Variants in CSMD1 observed in about 807,000 individuals in gnomAD.
CSMD1 encodes the protein CUB and Sushi multiple domains 1.
Under a neutral mutation model 417.5 loss-of-function variants are expected in CSMD1, and 213 were observed. The observed-to-expected ratio is 0.51, with a 90% CI of 0.46 to 0.57. The LOEUF (loss-of-function observed/expected upper bound fraction) is 0.57. CSMD1 is among the 20% of genes least tolerant of loss of function. CSMD1 has a pLI of 0.00. For missense variants in CSMD1, 6,923 were observed against 4,529.7 expected (o/e 1.53, Z -15.17); for synonymous variants, 2,862 against 1,736.8 (o/e 1.65, Z -16.11).
At chr8:3,740,513 C>A (rs142467201) in intron 6 of CSMD1, among the ~76,000 whole-genome samples, 1 of 152,066 alleles carries the variant, frequency 6.6e-6, no homozygotes, top group East Asian at 1.9e-4. Context: ...GAGGGTTCAC[C>A]GATGGATGTG....
intron 41 of CSMD1, among the ~76,000 whole-genome samples, chr8:3,134,478 A>G (rs996734173): frequency 2.6e-5 from 4 of 152,206 alleles, no homozygotes; most frequent in Non-Finnish European, 4.4e-5. Context: ...ACTTGAGAGG[A>G]GCAGGCAGAT....
At chr8:3,856,891 G>C (rs771444367) in intron 5 of CSMD1, among the ~76,000 whole-genome samples, 7 of 152,160 alleles carry the variant, frequency 4.6e-5, no homozygotes, top group African/African-American at 1.7e-4. Flanking sequence ...ATGAACACTT[G>C]TAACTACTCA....
At chr8:4,488,485 G>A (rs996211387) in intron 2 of CSMD1, among the ~76,000 whole-genome samples, 2 of 152,070 alleles carry the variant, frequency 1.3e-5, no homozygotes, top group East Asian at 1.9e-4. Flanking sequence ...AACTAGTGGT[G>A]ACAGTAGTCA....
chr8:3,999,792 G>C (rs1443048983), intron 4 of CSMD1, among the ~76,000 whole-genome samples: 1 of 152,144 alleles, frequency 6.6e-6, no homozygotes, highest in Non-Finnish European at 1.5e-5. Flanking sequence ...ACGAAATCAA[G>C]ACTACATGAG....
intron 3 of CSMD1, among the ~76,000 whole-genome samples, chr8:4,361,991 A>C (rs1158957089): frequency 1.3e-5 from 2 of 151,984 alleles, no homozygotes; most frequent in Non-Finnish European, 2.9e-5. Flanking sequence ...TAAATAAATA[A>C]AGTTTCCTAT....
intron 3 of CSMD1, among the ~76,000 whole-genome samples, chr8:4,213,994 G>T (rs1714714): frequency 6.6e-6 from 1 of 152,038 alleles, no homozygotes; most frequent in African/African-American, 2.4e-5. Flanking sequence ...CACACAAACA[G>T]AAAGGGGCAA....
chr8:4,169,333 C>G (rs1405328708), intron 3 of CSMD1, among the ~76,000 whole-genome samples: 1 of 152,150 alleles, frequency 6.6e-6, no homozygotes, highest in African/African-American at 2.4e-5. Context: ...TCCCATGTGC[C>G]TTCTTCCATC....
intron 49 of CSMD1, among the ~76,000 whole-genome samples, chr8:3,075,534 G>T (rs556832735): frequency 6.6e-6 from 1 of 151,734 alleles, no homozygotes; most frequent in South Asian, 2.1e-4. Flanking sequence ...GTCCACCTAG[G>T]CCTCCCAAAG....
chr8:4,318,803 T>A (rs1563446351), intron 3 of CSMD1, among the ~76,000 whole-genome samples: 1 of 151,992 alleles, frequency 6.6e-6, no homozygotes, highest in Non-Finnish European at 1.5e-5. Flanking sequence ...GCAAGTTAAT[T>A]TTAAACTATT....
intron 41 of CSMD1, among the ~76,000 whole-genome samples, chr8:3,124,346 T>C (rs919919843): frequency 6.6e-6 from 1 of 152,334 alleles, no homozygotes; most frequent in Non-Finnish European, 1.5e-5. Context: ...GTTGCATAAA[T>C]TATTATTAAA....
intron 2 of CSMD1, among the ~76,000 whole-genome samples, chr8:4,447,051 G>A (rs1045412017): frequency 6.6e-6 from 1 of 152,144 alleles, no homozygotes; most frequent in Non-Finnish European, 1.5e-5. Context: ...ATCAGCCTGT[G>A]TCAGGTCTGC....
Position 2,961,184 on chromosome 8 carries a change from C to T in CSMD1, c.9659G>A (p.Gly3220Asp), listed in dbSNP as rs1035549891. Residue 3220 changes from glycine to aspartate, a missense_variant, in exon 62 of 70, where the codon GGT becomes GAT. By Grantham distance (94) the Gly-to-Asp change is moderately conservative. Coordinates refer to ENST00000635120, the MANE Select transcript of CSMD1 (RefSeq NM_033225.6). ...ATTCTGTATTCCAAAGTGTGGCGTACCAGGGTCTGGGCAGGTGTTATGAGC... is the reference window on the plus strand; with the variant it reads ...ATTCTGTATTCCAAAGTGTGGCGTATCAGGGTCTGGGCAGGTGTTATGAGC... ...DPAHNTCPDP[G>D]TPHFGIQNSS... is the part of the protein sequence containing the mutation. 2 of 1,601,784 alleles carry T rather than the reference C, an allele frequency of 1.2e-6. No individual in the cohort carries two copies. The highest frequency in any genetic ancestry group is 1.7e-6 in the Non-Finnish European group (2 of 1,172,270).
chr8:3,634,149 C>G (rs1346732440), intron 7 of CSMD1, among the ~76,000 whole-genome samples: 2 of 152,178 alleles, frequency 1.3e-5, no homozygotes, highest in Non-Finnish European at 2.9e-5. Context: ...CCTCTAAACC[C>G]TTGGAATGTC....
At chr8:3,325,823 C>G (rs1563274872) in intron 23 of CSMD1, among the ~76,000 whole-genome samples, 2 of 151,806 alleles carry the variant, frequency 1.3e-5, no homozygotes, top group African/African-American at 2.4e-5. Flanking sequence ...GGCTCCGTCT[C>G]AAACAAAAAC....
chr8:3,015,183 G>T (rs779283930), intron 52 of CSMD1, among the ~76,000 whole-genome samples: 15 of 151,642 alleles, frequency 9.9e-5, no homozygotes, highest in Non-Finnish European at 1.8e-4. Context: ...GCATAACTGA[G>T]GCAGCTCTCT....
intron 5 of CSMD1, among the ~76,000 whole-genome samples, chr8:3,956,933 T>A (rs1811987726): frequency 6.6e-6 from 1 of 152,204 alleles, no homozygotes; most frequent in African/African-American, 2.4e-5. Context: ...TTTTCATATC[T>A]AAAAAGAATA....
At chr8:4,256,642 G>T (rs1043011553) in intron 3 of CSMD1, among the ~76,000 whole-genome samples, 1 of 152,112 alleles carries the variant, frequency 6.6e-6, no homozygotes, top group Non-Finnish European at 1.5e-5. Context: ...GAAAGGGGGC[G>T]CCCCAAGTCA....
intron 3 of CSMD1, among the ~76,000 whole-genome samples, chr8:4,287,236 A>G (rs1322980241): frequency 6.6e-6 from 1 of 152,194 alleles, no homozygotes; most frequent in East Asian, 1.9e-4. Context: ...ATTTCCTGGC[A>G]AGTTCTAAAA....
intron 5 of CSMD1, among the ~76,000 whole-genome samples, chr8:3,883,653 A>G (rs1173011540): frequency 3.9e-5 from 6 of 152,158 alleles, no homozygotes; most frequent in African/African-American, 1.4e-4. Flanking sequence ...AATTACTGAT[A>G]TTATTAATTT....
Sources: gnomAD v4.1 joint callset for allele counts (sites outside exome capture counted in the v4.1 genomes callset) on GRCh38, gnomAD v4.1.1 for gene constraint, MANE v1.5 for transcripts, NCBI Gene and HGNC (gene_info 2026-07-23, HGNC 2026-07-21) for gene names.